MYH11: variants seen among roughly 807,000 people sequenced by gnomAD.
MYH11 encodes myosin heavy chain 11.
MYH11 carries 80 observed loss-of-function variants against 246.6 expected under a neutral mutation model. That is an observed-to-expected ratio of 0.32 (90% CI 0.27 to 0.39). MYH11 has a LOEUF of 0.39. Among genes scored for constraint, MYH11 ranks in the 10% least tolerant of loss-of-function variants. The pLI, the probability that MYH11 is intolerant of heterozygous loss-of-function variation, is 1.00. For synonymous variants in MYH11, 1,071 were observed against 1,015.5 expected (o/e 1.05, Z -1.04); for missense variants, 2,158 against 2,546.8 (o/e 0.85, Z 3.29).
chr16:15,786,457 C>G (rs1392817575), intron 5 of MYH11, 173 bp downstream of exon 5: 2 of 785,602 alleles, frequency 2.5e-6, no homozygotes, highest in Admixed American at 1.7e-5. Flanking sequence ...AGAAATCACC[C>G]ACACTCAACA....
chr16:15,842,862 T>G (rs550373615), intron 1 of MYH11, among the ~76,000 whole-genome samples: 30 of 147,034 alleles, frequency 2.0e-4, no homozygotes, highest in Middle Eastern at 3.7e-3. Context: ...GAAATAAAGA[T>G]CTGGTAGACA....
At chr16:15,721,873 T>C (rs2040505561) in intron 31 of MYH11, among the ~76,000 whole-genome samples, 1 of 152,032 alleles carries the variant, frequency 6.6e-6, no homozygotes, top group South Asian at 2.1e-4. Context: ...TGTTTGTTTG[T>C]TTTAGATGGA....
At chr16:15,704,471 A>G (rs2081593498) in intron 40 of MYH11, among the ~76,000 whole-genome samples, 1 of 152,112 alleles carries the variant, frequency 6.6e-6, no homozygotes, top group African/African-American at 2.4e-5. Context: ...TTAGAATAGG[A>G]AAAAAACGCC....
chr16:15,744,452 C>G (rs1330910404), intron 20 of MYH11, among the ~76,000 whole-genome samples: 2 of 151,748 alleles, frequency 1.3e-5, no homozygotes, highest in African/African-American at 4.8e-5. Flanking sequence ...CTCGGCCTCC[C>G]AAAGTGCTGG....
chr16:15,772,736 G>A (rs192652762), intron 8 of MYH11, among the ~76,000 whole-genome samples: 2 of 152,298 alleles, frequency 1.3e-5, no homozygotes, highest in Admixed American at 1.3e-4. Context: ...GTGAGCAGCA[G>A]GTGAGCAAGT....
chr16:15,720,776 G>A, intron 33 of MYH11, 63 bp downstream of exon 33: 1 of 1,504,516 alleles, frequency 6.6e-7, no homozygotes. Flanking sequence ...AACCATGAGA[G>A]TGGTGATAGG....
Position 15,719,623 on chromosome 16 carries a change from C to T in MYH11, c.5044G>A (p.Ala1682Thr). Residue 1682 changes from alanine to threonine, a missense_variant, in exon 35 of 41, where the codon GCC becomes ACC. Transcript: ENST00000300036. The part of the protein sequence containing the change: ...FATAKENEKK[A>T]KSLEADLMQL... ...ATGAGGTCTGCTTCCAAGCTCTTGG[C>T]TTTCTTCTCATTCTCTTTGGCTGTG... The T allele has an allele frequency of 6.2e-7, 1 of 1,614,176 alleles. No homozygotes were observed. The highest frequency in any genetic ancestry group is 8.5e-7 in the Non-Finnish European group (1 of 1,180,050).
chr16:15,777,104 T>TACACACACACACACAC (rs111888764), intron 7 of MYH11, among the ~76,000 whole-genome samples: 1 of 147,878 alleles, frequency 6.8e-6, no homozygotes, highest in African/African-American at 2.5e-5. Context: ...CACGCACACA[T>TACACACACACACACAC]ACACACACAC....
chr16:15,789,842 G>C (rs181055265), intron 4 of MYH11, among the ~76,000 whole-genome samples: 2 of 152,334 alleles, frequency 1.3e-5, no homozygotes, highest in East Asian at 3.9e-4. Context: ...AACCTATTCA[G>C]ATCCAAGACA....
At chr16:15,759,436 C>T in intron 12 of MYH11, 140 bp downstream of exon 12, 3 of 1,112,544 alleles carry the variant, frequency 2.7e-6, no homozygotes, top group Non-Finnish European at 1.4e-6. Context: ...CTTATACCCT[C>T]AATGATCCAC....
At chr16:15,705,922 T>C (rs566400127) in intron 40 of MYH11, among the ~76,000 whole-genome samples, 2 of 137,354 alleles carry the variant, frequency 1.5e-5, no homozygotes, top group African/African-American at 5.6e-5. Flanking sequence ...GAGGCGGAGC[T>C]TGCAGTGAGC....
At chr16:15,741,214 C>CCATT in intron 22 of MYH11, 1 of 602,674 alleles carries the variant, frequency 1.7e-6, no homozygotes, top group South Asian at 1.9e-5. Flanking sequence ...CAATTATCCT[C>CCATT]CATTCAGGCT....
chr16:15,731,402 C>T (rs1032622189), intron 27 of MYH11, among the ~76,000 whole-genome samples: 1 of 152,044 alleles, frequency 6.6e-6, no homozygotes, highest in African/African-American at 2.4e-5. Flanking sequence ...AGTTTCTTTG[C>T]TTGTAAAATG....
chr16:15,780,788 A>C (rs2042335271), intron 6 of MYH11, among the ~76,000 whole-genome samples: 1 of 151,982 alleles, frequency 6.6e-6, no homozygotes, highest in Admixed American at 6.6e-5. Context: ...CCTGGTCTAG[A>C]TTTTTATGCT....
chr16:15,837,855 C>T (rs1301978494), intron 2 of MYH11, 53 bp downstream of exon 2: 1 of 1,520,152 alleles, frequency 6.6e-7, no homozygotes, highest in Non-Finnish European at 9.1e-7. Flanking sequence ...ATTTCTAATG[C>T]CTACTTTCCT....
intron 1 of MYH11, among the ~76,000 whole-genome samples, chr16:15,845,294 C>T (rs1243824703): frequency 3.3e-5 from 4 of 120,420 alleles, no homozygotes; most frequent in Non-Finnish European, 5.1e-5. Context: ...GATATTTTTT[C>T]GCGATTTTTT....
intron 2 of MYH11, among the ~76,000 whole-genome samples, chr16:15,833,428 T>G (rs1243859238): frequency 1.0e-5 from 1 of 96,502 alleles, no homozygotes; most frequent in African/African-American, 4.6e-5. Flanking sequence ...ACGAACTAAC[T>G]AACTCGAGGC....
At chr16:15,820,243 G>A (rs1346648470) in intron 3 of MYH11, among the ~76,000 whole-genome samples, 1 of 152,216 alleles carries the variant, frequency 6.6e-6, no homozygotes, top group Non-Finnish European at 1.5e-5. Flanking sequence ...ATGGGAGGCT[G>A]AGGCGGGCAG....
intron 14 of MYH11, among the ~76,000 whole-genome samples, chr16:15,755,625 T>C (rs1009650575): frequency 2.0e-5 from 3 of 151,958 alleles, no homozygotes; most frequent in African/African-American, 7.3e-5. Context: ...CCCATATCTA[T>C]ACATAATTTA....
Sources: gnomAD v4.1 joint callset for allele counts (sites outside exome capture counted in the v4.1 genomes callset) on GRCh38, gnomAD v4.1.1 for gene constraint, MANE v1.5 for transcripts, NCBI Gene and HGNC (gene_info 2026-07-23, HGNC 2026-07-21) for gene names.